Variants in MGST1 observed in about 807,000 individuals in gnomAD.
MGST1 encodes the protein microsomal glutathione S-transferase 1.
A neutral mutation model predicts 8.9 loss-of-function variants in MGST1; 5 were observed. The ratio of observed to expected loss-of-function variants is 0.56; its 90% confidence interval spans 0.29 to 1.19. The LOEUF is 1.19. MGST1 is among the 50% of genes most tolerant of loss of function. The pLI is 0.08. For missense variants in MGST1, 182 were observed against 187.4 expected (o/e 0.97, Z 0.17); for synonymous variants, 54 against 67.8 (o/e 0.80, Z 1.00).
chr12:16,452,977 T>C (rs915343440), intron 4 of MGST1, among the ~76,000 whole-genome samples: 1 of 151,950 alleles, frequency 6.6e-6, no homozygotes, highest in Non-Finnish European at 1.5e-5. Flanking sequence ...GGCCAACATA[T>C]ATTTTCTTAA....
chr12:16,554,500 C>T (rs1942111950), intron 4 of MGST1, among the ~76,000 whole-genome samples: 1 of 152,162 alleles, frequency 6.6e-6, no homozygotes, highest in Non-Finnish European at 1.5e-5. Flanking sequence ...CTCCACTATA[C>T]ACCTGTGAAC....
chr12:16,519,240 G>T (rs1941633574), intron 4 of MGST1, among the ~76,000 whole-genome samples: 1 of 152,142 alleles, frequency 6.6e-6, no homozygotes, highest in African/African-American at 2.4e-5. Context: ...AAAATACCTG[G>T]CATATCGTAG....
chr12:16,474,644 C>A lies in MGST1; in HGVS notation n.482+91040C>A, dbSNP rs984266143. 3.9e-5 allele frequency among the ~76,000 whole-genome samples: 6 copies of A among 152,170 alleles called. 1 individual carries two copies. The highest frequency in any genetic ancestry group is 2.6e-4 in the Admixed American group (4 of 15,278). On this transcript the variant is annotated intron_variant and non_coding_transcript_variant, in intron 4 of 4. Coordinates refer to the MGST1 transcript ENST00000538857. The stretch of plus-strand genomic sequence containing the variant: ...TATAACCTTTTTGATCCCCTTTCTC[C>A]CTCTGTCCTTCCCCTACTGCCACTT...
chr12:16,396,175 A>T (rs532459160), intron 1 of MGST1, among the ~76,000 whole-genome samples: 1 of 152,068 alleles, frequency 6.6e-6, no homozygotes, highest in Non-Finnish European at 1.5e-5. Flanking sequence ...TGTGGTTTTG[A>T]TTTGCATTTC....
chr12:16,453,580 T>C (rs1250873937), intron 4 of MGST1, among the ~76,000 whole-genome samples: 2 of 151,958 alleles, frequency 1.3e-5, no homozygotes, highest in Non-Finnish European at 2.9e-5. Flanking sequence ...CAAAGTATTA[T>C]AAAATTGTTA....
At chr12:16,434,671 C>CT (rs1030474937) in intron 1 of MGST1, among the ~76,000 whole-genome samples, 103 of 151,744 alleles carry the variant, frequency 6.8e-4, no homozygotes, top group Middle Eastern at 3.4e-3. Context: ...TCTTTCTTTT[C>CT]TTTTTTTTAT....
At chr12:16,451,337 T>A (rs967097495) in intron 4 of MGST1, among the ~76,000 whole-genome samples, 3 of 151,814 alleles carry the variant, frequency 2.0e-5, no homozygotes, top group African/African-American at 7.2e-5. Flanking sequence ...GTGGTATGCA[T>A]AGGGGGGTTT....
downstream of MGST1, among the ~76,000 whole-genome samples, chr12:16,440,828 T>G (rs1382075322): frequency 6.6e-6 from 1 of 151,866 alleles, no homozygotes; most frequent in African/African-American, 2.4e-5. Context: ...CCCATTTATG[T>G]ACTCAAAAGC....
rs544633831 is a variant in MGST1, at chr12:16,557,523, C to T, written n.483-32005C>T. Among the ~76,000 whole-genome samples, 45 of 152,060 alleles carry T rather than the reference C, an allele frequency of 3.0e-4. No individual in the cohort carries two copies. The Middle Eastern group carries it at 0.01, about 34-fold the overall frequency. The stretch of plus-strand genomic sequence containing the variant: ...CATATGCCTTCAAACTGTTATATAC[C>T]TTGTTTAAGTAATCATGCTCTGTGA... On this transcript the variant is annotated intron_variant and non_coding_transcript_variant, in intron 4 of 4. Transcript: ENST00000538857.
At chr12:16,417,640 A>C (rs1257196889) in intron 1 of MGST1, among the ~76,000 whole-genome samples, 1 of 152,106 alleles carries the variant, frequency 6.6e-6, no homozygotes, top group Non-Finnish European at 1.5e-5. Context: ...ATTGCTTCTG[A>C]AGTTTGATAG....
intron 4 of MGST1, among the ~76,000 whole-genome samples, chr12:16,470,319 G>T (rs1250006644): frequency 6.6e-6 from 1 of 152,128 alleles, no homozygotes; most frequent in African/African-American, 2.4e-5. Flanking sequence ...TTTGATCAGG[G>T]TTTATATATT....
intron 4 of MGST1, among the ~76,000 whole-genome samples, chr12:16,481,778 T>C (rs564143884): frequency 3.9e-5 from 6 of 152,024 alleles, no homozygotes; most frequent in African/African-American, 9.6e-5. Context: ...CTAAAATAAT[T>C]TGATCATAGT....
At chr12:16,466,785 T>C (rs1941258138) in intron 4 of MGST1, among the ~76,000 whole-genome samples, 1 of 152,218 alleles carries the variant, frequency 6.6e-6, no homozygotes, top group Non-Finnish European at 1.5e-5. Context: ...ACACACTTTC[T>C]CTTTTGTGTC....
chr12:16,405,771 T>A (rs1418487418), intron 1 of MGST1, among the ~76,000 whole-genome samples: 1 of 152,156 alleles, frequency 6.6e-6, no homozygotes, highest in Non-Finnish European at 1.5e-5. Context: ...CACAAATCAA[T>A]AAATGTGATT....
At chr12:16,358,779 C>CTTTTTTTT (rs35081887) in intron 3 of MGST1, among the ~76,000 whole-genome samples, 1,839 of 57,540 alleles carry the variant, frequency 0.032, 152 homozygotes, top group African/African-American at 0.044. Flanking sequence ...AAATTCATTC[C>CTTTTTTTT]TTTTTTTTTT....
chr12:16,394,264 C>G (rs559480431), intron 1 of MGST1, among the ~76,000 whole-genome samples: 1 of 152,010 alleles, frequency 6.6e-6, no homozygotes, highest in African/African-American at 2.4e-5. Flanking sequence ...TTTATTGTGG[C>G]AAGTATCTTT....
At chr12:16,393,767 T>C (rs1940573747) in intron 1 of MGST1, among the ~76,000 whole-genome samples, 1 of 152,222 alleles carries the variant, frequency 6.6e-6, no homozygotes, top group East Asian at 1.9e-4. Flanking sequence ...CCCAGAGGTA[T>C]CTGCTACACT....
intron 4 of MGST1, among the ~76,000 whole-genome samples, chr12:16,464,027 T>G (rs917123118): frequency 3.9e-5 from 6 of 152,372 alleles, no homozygotes; most frequent in Non-Finnish European, 7.3e-5. Context: ...TGGGTTCGAA[T>G]GGCAGTTTCA....
chr12:16,473,665 T>C (rs1941302501), intron 4 of MGST1, among the ~76,000 whole-genome samples: 1 of 152,170 alleles, frequency 6.6e-6, no homozygotes, highest in Non-Finnish European at 1.5e-5. Context: ...GACTGTGCTG[T>C]TTGTGTTTTG....
Sources: allele counts gnomAD v4.1 joint callset (sites outside exome capture counted in the v4.1 genomes callset), GRCh38; gene constraint gnomAD v4.1.1; transcripts MANE v1.5; gene names NCBI Gene and HGNC (gene_info 2026-07-23, HGNC 2026-07-21).